Variants in CHRNA3 observed in about 807,000 individuals in gnomAD.
The protein encoded by CHRNA3 is cholinergic receptor nicotinic alpha 3 subunit.
Under a neutral mutation model 41.9 loss-of-function variants are expected in CHRNA3, and 34 were observed. That is an observed-to-expected ratio of 0.81 (90% confidence interval 0.62 to 1.08). The LOEUF (loss-of-function observed/expected upper bound fraction) is 1.08, where lower values mean the gene tolerates loss of function less well. Among genes scored for constraint, CHRNA3 ranks in the 50% least tolerant of loss-of-function variants. The pLI is 0.00. For missense variants in CHRNA3, 542 were observed against 638.3 expected (o/e 0.85, Z 1.63); for synonymous variants, 281 against 265.2 (o/e 1.06, Z -0.58).
In CHRNA3 at chr15:78,618,884, T is replaced by C; in HGVS notation, c.114A>G (p.Leu38=). 6.2e-7 allele frequency: 1 copy of C among 1,613,834 alleles called. No homozygotes were observed. The highest frequency in any genetic ancestry group is 1.3e-5 in the African/African-American group (1 of 75,052). ...TGTAATCTTCAAACAGCCGCTCAAA[T>C]AGACGGTGCTCAGCCTCTGAGGCCC... ...VARASEAEHR[L]FERLFEDYNE... Residue 38 remains leucine, a synonymous_variant, in exon 2 of 6, where the codon CTA becomes CTG. Transcript: ENST00000326828.
intron 4 of CHRNA3, among the ~76,000 whole-genome samples, chr15:78,615,767 G>A (rs574202238): frequency 1.4e-5 from 2 of 142,116 alleles, no homozygotes; most frequent in East Asian, 2.1e-4. Flanking sequence ...TTTTTGAGAC[G>A]GAGTCTCACT....
chr15:78,599,352 TG>T (rs1230921856), intron 5 of CHRNA3, among the ~76,000 whole-genome samples: 4 of 152,018 alleles, frequency 2.6e-5, no homozygotes, highest in African/African-American at 9.7e-5. Flanking sequence ...TTAGGCAAAG[TG>T]GTGAACTAGC....
At chr15:78,596,918 A>G (rs1317132094) in intron 5 of CHRNA3, among the ~76,000 whole-genome samples, 186 bp from the exon 6 acceptor site, 1 of 152,190 alleles carries the variant, frequency 6.6e-6, no homozygotes, top group African/African-American at 2.4e-5. Context: ...CTGTTTATGC[A>G]GGAGAGAAAC....
chr15:78,602,321 G>T, intron 4 of CHRNA3, 57 bp from the exon 5 acceptor site: 1 of 1,542,170 alleles, frequency 6.5e-7, no homozygotes, highest in Non-Finnish European at 8.8e-7. Context: ...TGGTCATATT[G>T]TGGTCATCTC....
At position 78,602,005 on chromosome 15, in the gene CHRNA3, G is replaced by A; in HGVS notation, c.637C>T (p.Pro213Ser). ...TACTTGATGTCGTGTTTGTAGCCTG[G>A]GGCTTTGATGATGGCCCACTCGCCG... The part of the protein sequence containing the change: ...ESGEWAIIKA[P>S]GYKHDIKYNC... Residue 213 changes from proline to serine, a missense_variant, in exon 5 of 6, where the codon CCA (proline) becomes TCA (serine). Transcript: ENST00000326828. 1 of 1,613,504 alleles carries A rather than the reference G, an allele frequency of 6.2e-7. No homozygotes were observed. Among genetic ancestry groups the A allele is most frequent in the Non-Finnish European group, 8.5e-7 (1 of 1,179,520 alleles).
At position 78,596,477 on chromosome 15, in the gene CHRNA3, T is replaced by G; in HGVS notation, c.*127A>C. 1 of 1,322,208 alleles carries G rather than the reference T, an allele frequency of 7.6e-7. No individual in the cohort carries two copies. Among genetic ancestry groups the G allele is most frequent in the South Asian group, 2.5e-5 (1 of 40,060 alleles). 81.9% of individuals were successfully genotyped at this position (1,322,208 alleles called of 1,614,324 possible). A position where few individuals can be genotyped will look rare whatever the true frequency, so the allele number is the denominator to read the frequency against. ...GCATGATTCCAAGATAAGTGGAAAA[T>G]AAGTAAACCTCGAAATGCCAAAAAC... On this transcript the variant is annotated 3_prime_UTR_variant, in exon 6 of 6. Transcript: ENST00000326828.
In CHRNA3 at chr15:78,601,653, T is replaced by A; in HGVS notation, c.989A>T (p.Tyr330Phe). 6.2e-7 allele frequency: 1 copy of A among 1,614,144 alleles called. No individual in the cohort carries two copies. The highest frequency in any genetic ancestry group is 8.5e-7 in the Non-Finnish European group (1 of 1,180,028). The change falls in exon 5 of 6, where the codon TAC (tyrosine) becomes TTC (phenylalanine). Residue 330 changes from tyrosine to phenylalanine, a missense_variant. Tyr to Phe is a conservative substitution (Grantham distance 22). Coordinates refer to ENST00000326828, the MANE Select transcript of CHRNA3 (RefSeq NM_000743.5). The part of the protein sequence containing the change: ...VITVFVLNVH[Y>F]RTPTTHTMPS... ...CATTGTGTGTGTCGTCGGGGTTCTG[T>A]AGTGCACGTTGAGCACGAAGACGGT... is the stretch of plus-strand genomic sequence containing the variant.
intron 4 of CHRNA3, among the ~76,000 whole-genome samples, chr15:78,604,324 T>C (rs970260035): frequency 3.3e-5 from 5 of 152,208 alleles, no homozygotes; most frequent in African/African-American, 1.2e-4. Context: ...ACCTTCATTT[T>C]GCCAAAGAGA....
intron 5 of CHRNA3, among the ~76,000 whole-genome samples, chr15:78,598,959 G>A (rs9806525): frequency 2.0e-5 from 3 of 150,550 alleles, no homozygotes; most frequent in Admixed American, 6.7e-5. Context: ...TCAGACTCCC[G>A]AGTAGCTAAG....
Position 78,595,392 on chromosome 15 carries a change from T to C in CHRNA3, c.*1212A>G, listed in dbSNP as rs200318854. On this transcript the variant is annotated 3_prime_UTR_variant, in exon 6 of 6. Coordinates refer to ENST00000326828, the MANE Select transcript of CHRNA3 (RefSeq NM_000743.5). ...GTCTCTGTGAATCATCTGTCAGTGG[T>C]GATGATCACGTTAAGTTTCAGAAGT... is the stretch of plus-strand genomic sequence containing the variant. 3.8e-5 allele frequency: 37 copies of C among 984,228 alleles called. 2 individuals are homozygous for C. The South Asian group carries it at 1.7e-3, about 45-fold the overall frequency. 61.0% of individuals were successfully genotyped at this position (984,228 alleles called of 1,614,324 possible). A position where few individuals can be genotyped will look rare whatever the true frequency, so the allele number is the denominator to read the frequency against.
chr15:78,607,772 T>C (rs997537529), intron 4 of CHRNA3, among the ~76,000 whole-genome samples: 2 of 152,196 alleles, frequency 1.3e-5, no homozygotes, highest in African/African-American at 4.8e-5. Context: ...GGGCGAGGCA[T>C]TGCCTCACTT....
intron 5 of CHRNA3, 60 bp from the exon 6 acceptor site, chr15:78,596,792 T>C (rs928510099): frequency 1.4e-5 from 22 of 1,555,852 alleles, no homozygotes; most frequent in African/African-American, 2.7e-5. Flanking sequence ...GAATACATTT[T>C]CAATACTGAA....
At chr15:78,607,903 G>A (rs2053319780) in intron 4 of CHRNA3, among the ~76,000 whole-genome samples, 1 of 152,090 alleles carries the variant, frequency 6.6e-6, no homozygotes, top group African/African-American at 2.4e-5. Context: ...CTTAAAAAAC[G>A]GCACACCAGG....
chr15:78,614,577 T>C (rs564734290), intron 4 of CHRNA3, among the ~76,000 whole-genome samples: 2 of 152,324 alleles, frequency 1.3e-5, no homozygotes, highest in South Asian at 4.1e-4. Context: ...GTCCTGACAC[T>C]AACTGTAAAA....
Position 78,620,757 on chromosome 15 carries a change from G to A in CHRNA3, c.38C>T (p.Ser13Leu), listed in dbSNP as rs1360422869. ...CAGCAGCAGCAGCAGCCGCGGCGGC[G>A]ACAGCGCCAGGGGCAGCGAGAGCGG... ...SGPLSLPLALSPPRLLLLLLL... is the reference protein window; with the variant it reads ...SGPLSLPLALLPPRLLLLLLL... The change falls in exon 1 of 6, where the codon TCG (serine) becomes TTG (leucine). Residue 13 changes from serine to leucine, a missense_variant. Coordinates refer to ENST00000326828, the MANE Select transcript of CHRNA3 (RefSeq NM_000743.5). 4.0e-6 allele frequency: 6 copies of A among 1,498,440 alleles called. No individual in the cohort carries two copies. Among genetic ancestry groups the A allele is most frequent in the Admixed American group, 2.1e-5 (1 of 47,612 alleles). 92.8% of individuals were successfully genotyped at this position (1,498,440 alleles called of 1,614,324 possible).
In CHRNA3 at chr15:78,604,120, TG is replaced by T. The variant is rs551195568; in HGVS notation, c.378-1857del. ...GTCTGGTCCAGGGGTTGGCAAGCTG[TG>T]GTCCTCTTTCTGTAAATAAAATCTG... On this transcript the variant is annotated intron_variant, in intron 4 of 5. Coordinates refer to ENST00000326828, the MANE Select transcript of CHRNA3 (RefSeq NM_000743.5). Among the ~76,000 whole-genome samples, 31 of 152,306 alleles carry T rather than the reference TG, an allele frequency of 2.0e-4. No homozygotes were observed. In the South Asian group the frequency reaches 2.1e-3, roughly 10 times the overall value.
chr15:78,607,733 G>C (rs534580799), intron 4 of CHRNA3, among the ~76,000 whole-genome samples: 1 of 152,210 alleles, frequency 6.6e-6, no homozygotes, highest in Non-Finnish European at 1.5e-5. Context: ...AGGATAGTGG[G>C]TGCAGCGCAC....
intron 4 of CHRNA3, among the ~76,000 whole-genome samples, chr15:78,607,117 T>C (rs959374127): frequency 6.7e-6 from 1 of 149,574 alleles, no homozygotes; most frequent in African/African-American, 2.5e-5. Flanking sequence ...TAATCCCGGC[T>C]ACTCAGGAGG....
chr15:78,599,159 G>A (rs957617255), intron 5 of CHRNA3, among the ~76,000 whole-genome samples: 3 of 151,762 alleles, frequency 2.0e-5, no homozygotes, highest in African/African-American at 7.3e-5. Flanking sequence ...AATTTTTTTT[G>A]TAGAGAAAGG....
Sources: allele counts gnomAD v4.1 joint callset (sites outside exome capture counted in the v4.1 genomes callset), GRCh38; gene constraint gnomAD v4.1.1; transcripts MANE v1.5; gene names NCBI Gene and HGNC (gene_info 2026-07-23, HGNC 2026-07-21).